The following FAM186B variants were observed in gnomAD, a reference collection of about 807,000 sequenced individuals.
FAM186B encodes family with sequence similarity 186 member B.
FAM186B carries 68 observed loss-of-function variants against 83.4 expected under a neutral mutation model. The ratio of observed to expected loss-of-function variants is 0.81; its 90% CI spans 0.67 to 1.00. The LOEUF (loss-of-function observed/expected upper bound fraction) is 1.00. Among genes scored for constraint, FAM186B ranks in the 50% least tolerant of loss-of-function variants. The probability of loss-of-function intolerance (pLI) is 0.00; values close to 1 mark genes in which losing one functional copy is unlikely to be tolerated. For missense variants in FAM186B, 983 were observed against 1,099.2 expected (o/e 0.89, Z 1.49); for synonymous variants, 389 against 422.0 (o/e 0.92, Z 0.96).
rs1182736331 is a variant in FAM186B, at chr12:49,600,736, C to T, written c.904G>A (p.Gly302Arg). Residue 302 changes from glycine (G) to arginine (R), a missense_variant, in exon 4 of 7, where the codon GGA becomes AGA. Transcript: ENST00000257894. The surrounding 1 kb of genome is among the most constrained non-coding windows in gnomAD (Gnocchi z 4.3). ...ATCAGGAGAAGGTCATGGTACCTTC[C>T]CCCTAAGATCTCTACCTGCTTCAGC... ...ALLKQVEILG[G>R]RYHDLLLMKQ... 2.5e-6 allele frequency: 4 copies of T among 1,614,128 alleles called. No individual in the cohort carries two copies. The highest frequency in any genetic ancestry group is 4.5e-5 in the East Asian group (2 of 44,882).
At chr12:49,597,877 T>C (rs2138278726) in intron 5 of FAM186B, among the ~76,000 whole-genome samples, 1 of 152,256 alleles carries the variant, frequency 6.6e-6, no homozygotes, top group South Asian at 2.1e-4. Context: ...CTGGCCAACA[T>C]GGTGAAACCC....
At chr12:49,594,068 C>CA (rs1939654025) in intron 5 of FAM186B, 2 of 200,584 alleles carry the variant, frequency 1.0e-5, no homozygotes, top group Admixed American at 5.1e-5. Context: ...GAAAGACACT[C>CA]AGAGTAAAAA....
chr12:49,582,878 A>G (rs1592538569), downstream of FAM186B: 2 of 369,008 alleles, frequency 5.4e-6, no homozygotes, highest in African/African-American at 2.1e-5. Flanking sequence ...ACATATATAC[A>G]CAAAGATACA....
At chr12:49,592,420 C>T (rs1355188277) in intron 5 of FAM186B, among the ~76,000 whole-genome samples, 4 of 151,206 alleles carry the variant, frequency 2.6e-5, no homozygotes, top group Non-Finnish European at 4.4e-5. Context: ...TGCAGTGAGC[C>T]GAGATCATGC....
chr12:49,614,857 G>A, the FAM186B span, among the ~76,000 whole-genome samples: 4 of 152,284 alleles, frequency 2.6e-5, no homozygotes, highest in East Asian at 1.9e-4. Context: ...GGGGCCGGGC[G>A]CAGTGGTTCA....
At chr12:49,612,108 C>T in the FAM186B span, among the ~76,000 whole-genome samples, 2 of 152,138 alleles carry the variant, frequency 1.3e-5, no homozygotes, top group Non-Finnish European at 2.9e-5. Flanking sequence ...CTAGTAACTT[C>T]ATGATAGGAT....
At chr12:49,587,399 C>T (rs1820902140), downstream of FAM186B, 1 of 633,766 alleles carries the variant, frequency 1.6e-6, no homozygotes, top group Non-Finnish European at 2.7e-6. Flanking sequence ...AAACCCTTCA[C>T]CAGAACCGAA....
chr12:49,582,994 T>C (rs1027593463), downstream of FAM186B: 3 of 453,734 alleles, frequency 6.6e-6, no homozygotes, highest in Non-Finnish European at 1.3e-5. Context: ...AGGAGAAGAA[T>C]GTCAGACACT....
chr12:49,595,155 A>C, intron 5 of FAM186B: 1 of 424,516 alleles, frequency 2.4e-6, no homozygotes, highest in Admixed American at 2.9e-5. Context: ...TTTTTGGCTA[A>C]AGGAGCAGAG....
At chr12:49,590,906 T>C (rs756807444) in intron 5 of FAM186B, among the ~76,000 whole-genome samples, 1 of 152,208 alleles carries the variant, frequency 6.6e-6, no homozygotes, top group African/African-American at 2.4e-5. Context: ...CTTGGAACTT[T>C]TAACATTTAA....
At chr12:49,587,097 A>C (rs1939461588), downstream of FAM186B, among the ~76,000 whole-genome samples, 1 of 152,174 alleles carries the variant, frequency 6.6e-6, no homozygotes, top group Non-Finnish European at 1.5e-5. Flanking sequence ...GAGAGCTAAG[A>C]CTTCTAACCA....
In FAM186B at chr12:49,598,752, C is replaced by A. The variant is rs375644975; in HGVS notation, c.2364+3G>T. Reference sequence around the variant, plus strand: ...GGCGGGGGGGTCAGGGCGGGAGGCCCACCTTGGGGAACATGGTCACCATGC... The same window carrying A: ...GGCGGGGGGGTCAGGGCGGGAGGCCAACCTTGGGGAACATGGTCACCATGC... On this transcript the variant is annotated splice_donor_region_variant and intron_variant, in intron 5 of 6. Transcript: ENST00000257894. 6.9e-6 allele frequency: 11 copies of A among 1,598,504 alleles called. No homozygotes were observed. Among genetic ancestry groups the A allele is most frequent in the Non-Finnish European group, 9.4e-6 (11 of 1,174,986 alleles).
chr12:49,617,073 C>G, the FAM186B span, among the ~76,000 whole-genome samples: 5 of 152,146 alleles, frequency 3.3e-5, no homozygotes, highest in African/African-American at 1.2e-4. Context: ...TCCTTCTTAG[C>G]CCCTCTCACA....
the FAM186B span, among the ~76,000 whole-genome samples, chr12:49,619,862 T>G: frequency 4.6e-5 from 7 of 151,900 alleles, no homozygotes; most frequent in East Asian, 3.9e-4. Context: ...TTTTTTTTAG[T>G]AGAGACGGGG....
chr12:49,615,138 A>C, the FAM186B span, among the ~76,000 whole-genome samples: 1 of 152,072 alleles, frequency 6.6e-6, no homozygotes, highest in Non-Finnish European at 1.5e-5. Context: ...CAAAAAAAAA[A>C]ACAAGACTAC....
downstream of FAM186B, chr12:49,583,160 A>C (rs1398014309): frequency 6.8e-6 from 3 of 443,154 alleles, no homozygotes; most frequent in African/African-American, 6.1e-5. Flanking sequence ...TATAAAAACA[A>C]AGAATGTATG....
At chr12:49,593,443 TG>T (rs1939633790) in intron 5 of FAM186B, among the ~76,000 whole-genome samples, 1 of 152,156 alleles carries the variant, frequency 6.6e-6, no homozygotes, top group South Asian at 2.1e-4. Flanking sequence ...GAGACCAGCC[TG>T]GCCAACATGG....
chr12:49,603,216 A>G lies in FAM186B; in HGVS notation c.474T>C (p.Thr158=). Reference sequence around the variant, plus strand: ...ACCTTTTCTTTTGTCCTTCAATGAGAGTGGAGCAAAGGGCAGTGAGTGACT... The same window carrying G: ...ACCTTTTCTTTTGTCCTTCAATGAGGGTGGAGCAAAGGGCAGTGAGTGACT... ...GIESLTALCS[T]LIEGQKKRSQ... is the part of the protein sequence containing the mutation. The change falls in exon 3 of 7, where the codon ACT becomes ACC. Residue 158 remains threonine, a synonymous_variant. Coordinates refer to ENST00000257894, the MANE Select transcript of FAM186B (RefSeq NM_032130.3). The G allele has an allele frequency of 6.2e-7, 1 of 1,614,124 alleles. No individual in the cohort carries two copies. The highest frequency in any genetic ancestry group is 8.5e-7 in the Non-Finnish European group (1 of 1,180,038).
chr12:49,586,908 C>T (rs1939454907), downstream of FAM186B, among the ~76,000 whole-genome samples: 2 of 152,320 alleles, frequency 1.3e-5, no homozygotes, highest in African/African-American at 4.8e-5. Context: ...CCAGTATCTT[C>T]AGGCTCTTGG....
Sources: allele counts gnomAD v4.1 joint callset (sites outside exome capture counted in the v4.1 genomes callset), GRCh38; gene constraint gnomAD v4.1.1; non-coding constraint Gnocchi (gnomAD v3.1); transcripts MANE v1.5; gene names NCBI Gene and HGNC (gene_info 2026-07-23, HGNC 2026-07-21).